POLG2: variants seen among roughly 807,000 people sequenced by gnomAD.
POLG2 encodes DNA polymerase subunit gamma-2.
Under a neutral mutation model 56.5 loss-of-function variants are expected in POLG2, and 50 were observed. That is an observed-to-expected ratio of 0.88 (90% CI 0.71 to 1.12). POLG2 has a LOEUF of 1.12. Ranked by LOEUF, POLG2 falls within the 50% of genes most tolerant of loss-of-function variation. POLG2 has a pLI of 0.00. For missense variants in POLG2, 584 were observed against 583.3 expected, an observed-to-expected ratio of 1.00 and a Z score of -0.01; for synonymous variants, 226 against 222.6, an observed-to-expected ratio of 1.02 and a Z score of -0.14.
intron 6 of POLG2, chr17:64,481,327 A>G: frequency 1.0e-6 from 1 of 985,324 alleles, no homozygotes; most frequent in Non-Finnish European, 1.2e-6. Flanking sequence ...ACCTCTCCAC[A>G]AAAGCCAGGG....
intron 5 of POLG2, among the ~76,000 whole-genome samples, chr17:64,483,758 C>T (rs1247668551): frequency 2.0e-5 from 3 of 151,144 alleles, no homozygotes; most frequent in Admixed American, 6.6e-5. Flanking sequence ...CTCTGTTGCC[C>T]AGGCTAGAAT....
In POLG2 at chr17:64,496,751, C is replaced by G; in HGVS notation, c.218G>C (p.Cys73Ser). The change falls in exon 1 of 8, where the codon TGT becomes TCT. Residue 73 changes from cysteine to serine, a missense_variant. Transcript: ENST00000539111. Reference protein sequence around the residue: ...GEGSEALLEICQRRHFLSGSK... With the variant: ...GEGSEALLEISQRRHFLSGSK... The stretch of plus-strand genomic sequence containing the variant: ...TCCACTTAGGAAATGCCTTCTCTGA[C>G]AGATCTCTAACAGCGCCTCGCTTCC... The G allele has an allele frequency of 6.2e-7, 1 of 1,614,092 alleles. No homozygotes were observed. The highest frequency in any genetic ancestry group is 1.1e-5 in the South Asian group (1 of 91,070).
At chr17:64,482,119 T>TTTTTC (rs2037869436) in intron 6 of POLG2, among the ~76,000 whole-genome samples, 1 of 145,186 alleles carries the variant, frequency 6.9e-6, no homozygotes, top group African/African-American at 2.6e-5. Context: ...TTTTTTTTTT[T>TTTTTC]CTGAAGCAGG....
chr17:64,486,745 G>C lies in POLG2; in HGVS notation c.970-877C>G, dbSNP rs960300081. ...AGGGAAAAAAATGGTGTGCTTTAGG[G>C]AAAGGGGTTTGGAGTATAATTTTCT... On this transcript the variant is annotated intron_variant, in intron 4 of 7. Coordinates refer to ENST00000539111, the MANE Select transcript of POLG2 (RefSeq NM_007215.4). Among the ~76,000 whole-genome samples the C allele has an allele frequency of 9.9e-5, 15 of 152,178 alleles. 1 individual carries two copies. The highest frequency in any genetic ancestry group is 1.5e-5 in the Non-Finnish European group (1 of 68,038).
At position 64,493,060 on chromosome 17, in the gene POLG2, C is replaced by T. The variant is rs373624921; in HGVS notation, c.563-39G>A. 2.3e-5 allele frequency: 37 copies of T among 1,609,590 alleles called. No individual in the cohort carries two copies. In the African/African-American group the frequency reaches 3.5e-4, roughly 15 times the overall value. ...AATCAATCATTGTATACATCTAGTCCACAAACCCAAATCATTTTTGTCAAT... is the reference window on the plus strand; with the variant it reads ...AATCAATCATTGTATACATCTAGTCTACAAACCCAAATCATTTTTGTCAAT... On this transcript the variant is annotated intron_variant, in intron 1 of 7. Transcript: ENST00000539111.
rs537454312 is a variant in POLG2, at chr17:64,496,479, T to G, written c.490A>C (p.Lys164Gln). 6.2e-7 allele frequency: 1 copy of G among 1,611,078 alleles called. No homozygotes were observed. Among genetic ancestry groups the G allele is most frequent in the South Asian group, 1.1e-5 (1 of 91,046 alleles). ...TCAAGAAATGCTACTAGCTGTTCCT[T>G]ACTCAGCTCTTTGTCTTGCAAGATT... ...REILQDKELSKEQLVAFLENV... is the reference protein window; with the variant it reads ...REILQDKELSQEQLVAFLENV... The change falls in exon 1 of 8, where the codon AAG becomes CAG. Residue 164 changes from lysine (K) to glutamine (Q), a missense_variant. Coordinates refer to ENST00000539111, the MANE Select transcript of POLG2 (RefSeq NM_007215.4).
In POLG2 at chr17:64,482,911, T is replaced by TA. The variant is rs60611997; in HGVS notation, c.1191+7dup. Reference sequence around the variant, plus strand: ...AATTAAAATGACATTTAAACTCATTTAACTCACCTGTCTTAGTTCCAATGT... The same window carrying TA: ...AATTAAAATGACATTTAAACTCATTTAAACTCACCTGTCTTAGTTCCAATGT... On this transcript the variant is annotated splice_region_variant and intron_variant, in intron 6 of 7. Coordinates refer to ENST00000539111, the MANE Select transcript of POLG2 (RefSeq NM_007215.4). The TA allele has an allele frequency of 0.12, 177,109 of 1,474,986 alleles. 21,512 individuals carry two copies. Among genetic ancestry groups the TA allele is most frequent in the African/African-American group, 0.62 (44,219 of 71,250 alleles). 91.4% of individuals were successfully genotyped at this position (1,474,986 alleles called of 1,614,324 possible).
intron 4 of POLG2, chr17:64,490,556 C>T (rs576538659): frequency 3.9e-6 from 2 of 507,250 alleles, no homozygotes; most frequent in South Asian, 4.1e-5. Flanking sequence ...GATCTTGGAC[C>T]TATAAATGCC....
In POLG2 at chr17:64,490,780, T is replaced by A. The variant is rs781999514; in HGVS notation, c.969+16A>T. The A allele has an allele frequency of 6.3e-7, 1 of 1,598,742 alleles. No individual in the cohort carries two copies. The highest frequency in any genetic ancestry group is 2.2e-5 in the East Asian group (1 of 44,772). On this transcript the variant is annotated intron_variant, in intron 4 of 7. Transcript: ENST00000539111. ...ATCTGGGTAAAAAATACATAGGAGC[T>A]CCAGGTAAAACATACATGTAATTTA...
intron 4 of POLG2, among the ~76,000 whole-genome samples, chr17:64,486,452 C>A (rs1350426714): frequency 6.6e-6 from 1 of 151,892 alleles, no homozygotes; most frequent in Non-Finnish European, 1.5e-5. Context: ...ACCTCTGCCA[C>A]CCGGGTTCAA....
At position 64,480,279 on chromosome 17, in the gene POLG2, CA is replaced by C. The variant is rs2037835449; in HGVS notation, c.1292+9del. 1 of 1,336,240 alleles carries C rather than the reference CA, an allele frequency of 7.5e-7. No individual in the cohort carries two copies. The highest frequency in any genetic ancestry group is 1.4e-5 in the African/African-American group (1 of 69,790). 82.8% of individuals were successfully genotyped at this position (1,336,240 alleles called of 1,614,324 possible). Reference sequence around the variant, plus strand: ...ATAAATACACTCTTTAATGAAAATACAATTCTTACTTCGAATAAAGTTGTTC... The same window carrying C: ...ATAAATACACTCTTTAATGAAAATACATTCTTACTTCGAATAAAGTTGTTC... On this transcript the variant is annotated intron_variant, in intron 7 of 7. Coordinates refer to ENST00000539111, the MANE Select transcript of POLG2 (RefSeq NM_007215.4).
Position 64,482,963 on chromosome 17 carries a change from C to A in POLG2, c.1147G>T (p.Val383Phe). Residue 383 changes from valine (V) to phenylalanine (F), a missense_variant, in exon 6 of 8, where the codon GTT (valine) becomes TTT (phenylalanine). By Grantham distance (50) the Val-to-Phe change is conservative (BLOSUM62 -1). Transcript: ENST00000539111. ...GGGCCTCTTCCTACATCCAAAGCAA[C>A]CTTAATAGGGGCTAAACAAGGGTGA... ...KLHPCLAPIK[V>F]ALDVGRGPTL... The A allele has an allele frequency of 4.4e-6, 7 of 1,608,016 alleles. No homozygotes were observed. The highest frequency in any genetic ancestry group is 6.0e-6 in the Non-Finnish European group (7 of 1,174,614).
At chr17:64,495,033 C>A (rs945489372) in intron 1 of POLG2, among the ~76,000 whole-genome samples, 1 of 151,992 alleles carries the variant, frequency 6.6e-6, no homozygotes, top group Non-Finnish European at 1.5e-5. Flanking sequence ...ATTAGCCAGG[C>A]GTGGTGGCAA....
Position 64,490,793 on chromosome 17 carries a change from T to A in POLG2, c.969+3A>T. On this transcript the variant is annotated splice_donor_region_variant and intron_variant, in intron 4 of 7. Transcript: ENST00000539111. ...ATACATAGGAGCTCCAGGTAAAACATACATGTAATTTAGACACATTGCCAG... is the reference window on the plus strand; with the variant it reads ...ATACATAGGAGCTCCAGGTAAAACAAACATGTAATTTAGACACATTGCCAG... The A allele has an allele frequency of 6.2e-7, 1 of 1,608,430 alleles. No individual in the cohort carries two copies. The highest frequency in any genetic ancestry group is 8.5e-7 in the Non-Finnish European group (1 of 1,174,822).
Position 64,496,340 on chromosome 17 carries a change from G to A in POLG2, c.562+67C>T, listed in dbSNP as rs76578247. On this transcript the variant is annotated intron_variant, in intron 1 of 7. Coordinates refer to ENST00000539111, the MANE Select transcript of POLG2 (RefSeq NM_007215.4). ...ATACAGGGCCAGTTGCAATCCCCAA[G>A]ATCCAGCAAGACTGCCTCGCCTTTC... 301 of 1,039,182 alleles carry A rather than the reference G, an allele frequency of 2.9e-4. No homozygotes were observed. In the African/African-American group the frequency reaches 4.5e-3, roughly 15 times the overall value. The allele number at this position is 1,039,182 out of a possible 1,614,324, so 64.4% of individuals were successfully genotyped here.
intron 4 of POLG2, among the ~76,000 whole-genome samples, chr17:64,488,287 T>A (rs1555667867): frequency 6.6e-6 from 1 of 152,196 alleles, no homozygotes; most frequent in African/African-American, 2.4e-5. Flanking sequence ...TAATATTTTA[T>A]AACATGTTCA....
chr17:64,493,051 C>T (rs371974241), intron 1 of POLG2, 30 bp from the exon 2 acceptor site: 3 of 1,612,432 alleles, frequency 1.9e-6, no homozygotes, highest in Non-Finnish European at 2.5e-6. Flanking sequence ...TCATTGTATA[C>T]ATCTAGTCCA....
intron 7 of POLG2, 135 bp from the exon 8 acceptor site, chr17:64,478,123 C>A: frequency 1.2e-6 from 1 of 812,196 alleles, no homozygotes; most frequent in Non-Finnish European, 2.0e-6. Flanking sequence ...ACCAAAAAAA[C>A]CCAACATTTT....
intron 4 of POLG2, among the ~76,000 whole-genome samples, chr17:64,489,548 C>A (rs1346399712): frequency 6.6e-6 from 1 of 151,090 alleles, no homozygotes; most frequent in Non-Finnish European, 1.5e-5. Flanking sequence ...ATTGTTTCAT[C>A]CCAGGAGTTC....
Sources: gnomAD v4.1 joint callset for allele counts (sites outside exome capture counted in the v4.1 genomes callset) on GRCh38, gnomAD v4.1.1 for gene constraint, MANE v1.5 for transcripts, NCBI Gene and HGNC (gene_info 2026-07-23, HGNC 2026-07-21) for gene names.